CNTN3: variants seen among roughly 807,000 people sequenced by gnomAD.
CNTN3 encodes contactin 3, also known as contactin-3.
In CNTN3, 60 loss-of-function variants were observed where a neutral mutation model predicts 119.1. The observed-to-expected ratio is 0.50, with a 90% CI of 0.41 to 0.62. The LOEUF is 0.62. CNTN3 is among the 20% of genes least tolerant of loss of function. The pLI, the probability that CNTN3 is intolerant of heterozygous loss-of-function variation, is 0.00. For missense variants in CNTN3, 1,101 were observed against 1,242.4 expected (o/e 0.89, Z 1.71); for synonymous variants, 450 against 438.7 (o/e 1.03, Z -0.32).
intron 4 of CNTN3, among the ~76,000 whole-genome samples, chr3:74,433,988 G>C (rs949630206): frequency 6.6e-6 from 1 of 152,154 alleles, no homozygotes; most frequent in African/African-American, 2.4e-5. Flanking sequence ...ATCAAAGAAT[G>C]TCTGAAATAA....
intron 13 of CNTN3, among the ~76,000 whole-genome samples, chr3:74,314,322 T>G (rs900844464): frequency 2.0e-5 from 3 of 152,204 alleles, no homozygotes. Flanking sequence ...AATTACTACT[T>G]GAATATCTAT....
chr3:74,572,218 T>C (rs935061180), intron 1 of CNTN3, among the ~76,000 whole-genome samples: 3 of 152,208 alleles, frequency 2.0e-5, no homozygotes, highest in Non-Finnish European at 4.4e-5. Context: ...GAAGGCAATT[T>C]GAAATGAGCA....
At chr3:74,525,246 A>ATT (rs1250104977) in intron 1 of CNTN3, among the ~76,000 whole-genome samples, 2 of 151,962 alleles carry the variant, frequency 1.3e-5, no homozygotes, top group Admixed American at 6.6e-5. Flanking sequence ...AAAAGAAAAG[A>ATT]TATGTTAATA....
chr3:74,455,700 C>T (rs898067529), intron 4 of CNTN3, among the ~76,000 whole-genome samples: 31 of 151,808 alleles, frequency 2.0e-4, no homozygotes, highest in Non-Finnish European at 2.6e-4. Flanking sequence ...CCTTTCTGTT[C>T]GTTAGTTTTC....
At chr3:74,605,131 CA>C (rs1390565010) in intron 1 of CNTN3, among the ~76,000 whole-genome samples, 13 of 151,870 alleles carry the variant, frequency 8.6e-5, no homozygotes, top group Non-Finnish European at 1.6e-4. Flanking sequence ...TGGTGGTTAC[CA>C]GGGGGGTGAG....
chr3:74,556,160 C>T (rs1210071167), intron 1 of CNTN3, among the ~76,000 whole-genome samples: 1 of 152,150 alleles, frequency 6.6e-6, no homozygotes, highest in East Asian at 1.9e-4. Context: ...GTATACTTCA[C>T]ACACCATAAA....
intron 5 of CNTN3, among the ~76,000 whole-genome samples, chr3:74,405,903 G>C (rs1330474980): frequency 6.6e-6 from 1 of 152,050 alleles, no homozygotes; most frequent in Admixed American, 6.5e-5. Flanking sequence ...AAGATACAAT[G>C]ACAAGAGCCA....
At chr3:74,376,360 C>T (rs546799468) in intron 5 of CNTN3, among the ~76,000 whole-genome samples, 31 of 152,284 alleles carry the variant, frequency 2.0e-4, no homozygotes, top group South Asian at 1.7e-3. Flanking sequence ...TACAGCTGCT[C>T]CCCATTGCTC....
chr3:74,362,351 C>A (rs187678336), intron 10 of CNTN3, among the ~76,000 whole-genome samples: 4 of 152,270 alleles, frequency 2.6e-5, no homozygotes, highest in Admixed American at 6.5e-5. Flanking sequence ...GTTAGCTCCA[C>A]GAAGACAGGA....
intron 4 of CNTN3, among the ~76,000 whole-genome samples, chr3:74,458,723 G>A (rs1028650283): frequency 6.6e-6 from 1 of 152,046 alleles, no homozygotes; most frequent in Non-Finnish European, 1.5e-5. Context: ...AACAGCAGGA[G>A]AAAACATTAT....
Position 74,327,228 on chromosome 3 carries a change from A to T in CNTN3, c.1668+7507T>A, listed in dbSNP as rs1236976926. On this transcript the variant is annotated intron_variant, in intron 13 of 22. Coordinates refer to ENST00000263665, the MANE Select transcript of CNTN3 (RefSeq NM_020872.3). The stretch of plus-strand genomic sequence containing the variant: ...ACTGCAACCTCTCCCTCCTGAGTTC[A>T]AGCCATTGTCCTGGCTCAGCCTCTC... Among the ~76,000 whole-genome samples the T allele has an allele frequency of 6.7e-5, 10 of 149,250 alleles. No individual in the cohort carries two copies. In the East Asian group the frequency reaches 2.0e-3, roughly 30 times the overall value.
At chr3:74,272,289 T>C (rs990784) in intron 20 of CNTN3, among the ~76,000 whole-genome samples, 88,957 of 152,070 alleles carry the variant, frequency 0.58, 26,986 homozygotes, top group East Asian at 0.76. Context: ...TGGCTGTGGG[T>C]TGGACAATCT....
intron 4 of CNTN3, among the ~76,000 whole-genome samples, chr3:74,446,053 C>G (rs1702043515): frequency 1.3e-5 from 2 of 152,158 alleles, no homozygotes; most frequent in African/African-American, 4.8e-5. Flanking sequence ...CCATAAAGCT[C>G]AGCTGCCTGA....
At chr3:74,271,773 G>T (rs914862081) in intron 20 of CNTN3, among the ~76,000 whole-genome samples, 9 of 152,036 alleles carry the variant, frequency 5.9e-5, no homozygotes, top group Non-Finnish European at 1.5e-5. Flanking sequence ...ATTGTGCAAC[G>T]ATCATGTAAT....
chr3:74,266,827 G>C (rs994353686), intron 21 of CNTN3, among the ~76,000 whole-genome samples, 178 bp from the exon 22 acceptor site: 3 of 152,100 alleles, frequency 2.0e-5, no homozygotes, highest in Admixed American at 1.3e-4. Flanking sequence ...AGAATCATCA[G>C]GTTCTCAAAA....
At chr3:74,296,859 A>G (rs1466640150) in intron 18 of CNTN3, among the ~76,000 whole-genome samples, 1 of 149,304 alleles carries the variant, frequency 6.7e-6, no homozygotes, top group Non-Finnish European at 1.5e-5. Flanking sequence ...AATACATGTT[A>G]GTTTCTGCCA....
At chr3:74,462,531 G>T (rs1702388602) in intron 4 of CNTN3, among the ~76,000 whole-genome samples, 1 of 151,940 alleles carries the variant, frequency 6.6e-6, no homozygotes, top group African/African-American at 2.4e-5. Context: ...TGTAACATGG[G>T]CACCAACAAA....
chr3:74,511,784 C>G (rs542832839), intron 2 of CNTN3, among the ~76,000 whole-genome samples: 1 of 152,208 alleles, frequency 6.6e-6, no homozygotes, highest in Admixed American at 6.5e-5. Context: ...TATATATTGT[C>G]TATAGCTGTT....
intron 1 of CNTN3, among the ~76,000 whole-genome samples, chr3:74,574,661 C>T (rs1020078321): frequency 6.6e-6 from 1 of 152,186 alleles, no homozygotes; most frequent in African/African-American, 2.4e-5. Context: ...CATATAACTT[C>T]AATCATTCCA....
Sources: gnomAD v4.1 joint callset for allele counts (sites outside exome capture counted in the v4.1 genomes callset) on GRCh38, gnomAD v4.1.1 for gene constraint, MANE v1.5 for transcripts, NCBI Gene and HGNC (gene_info 2026-07-23, HGNC 2026-07-21) for gene names.